EBF1: variants seen among roughly 807,000 people sequenced by gnomAD.
EBF1 encodes the protein EBF transcription factor 1.
EBF1 carries 10 observed loss-of-function variants against 68.4 expected under a neutral mutation model. The observed-to-expected ratio is 0.15, with a 90% CI of 0.09 to 0.25. EBF1 has a LOEUF of 0.25. Ranked by LOEUF, EBF1 falls within the 10% of genes least tolerant of loss-of-function variation. The pLI is 1.00. For synonymous variants in EBF1, 298 were observed against 299.8 expected, an observed-to-expected ratio of 0.99 and a Z score of 0.06; for missense variants, 509 against 794.4, an observed-to-expected ratio of 0.64 and a Z score of 4.32.
In EBF1 at chr5:158,979,759, G is replaced by T. The variant is rs1163991544; in HGVS notation, c.554+93637C>A. Among the ~76,000 whole-genome samples the T allele has an allele frequency of 2.6e-5, 4 of 151,462 alleles. No homozygotes were observed. In the East Asian group the frequency reaches 7.7e-4, roughly 29 times the overall value. On this transcript the variant is annotated intron_variant, in intron 6 of 15. Transcript: ENST00000313708. ...TAAAGCAAAAATTTCCAGAATTGTT[G>T]CTCTTGAGATAATTTGATTCAAAGT...
At chr5:158,815,981 C>T (rs1783658812) in intron 8 of EBF1, among the ~76,000 whole-genome samples, 1 of 152,188 alleles carries the variant, frequency 6.6e-6, no homozygotes, top group Non-Finnish European at 1.5e-5. Flanking sequence ...ATGTTTTGCT[C>T]TTACACCTGT....
At chr5:158,911,543 T>C (rs1449150873) in intron 6 of EBF1, among the ~76,000 whole-genome samples, 1 of 152,204 alleles carries the variant, frequency 6.6e-6, no homozygotes, top group Non-Finnish European at 1.5e-5. Context: ...ATTTTTCTTT[T>C]CCATCTCATC....
chr5:158,989,186 C>T (rs113160694), intron 6 of EBF1, among the ~76,000 whole-genome samples: 35 of 152,322 alleles, frequency 2.3e-4, no homozygotes, highest in African/African-American at 8.2e-4. Flanking sequence ...AGCAGCTGGA[C>T]AGCGACAGTC....
intron 8 of EBF1, among the ~76,000 whole-genome samples, chr5:158,809,684 T>A (rs1436646995): frequency 6.6e-6 from 1 of 152,172 alleles, no homozygotes; most frequent in Non-Finnish European, 1.5e-5. Context: ...TACAGGAACA[T>A]TGAAAATACT....
chr5:158,954,323 T>C (rs1816633922), intron 6 of EBF1, among the ~76,000 whole-genome samples: 1 of 152,216 alleles, frequency 6.6e-6, no homozygotes, highest in African/African-American at 2.4e-5. Context: ...AGCTGTGGCT[T>C]GTCAAAGACA....
chr5:159,046,898 G>T (rs546680678), intron 6 of EBF1, among the ~76,000 whole-genome samples: 2 of 152,320 alleles, frequency 1.3e-5, no homozygotes, highest in East Asian at 3.9e-4. Context: ...ACAGAGCTGG[G>T]AAAAGATTCA....
chr5:159,052,394 T>C (rs1404845960), intron 6 of EBF1, among the ~76,000 whole-genome samples: 2 of 152,020 alleles, frequency 1.3e-5, no homozygotes, highest in Admixed American at 1.3e-4. Flanking sequence ...CATGGATCTT[T>C]GTACCAGATT....
At chr5:158,865,667 A>G (rs908548987) in intron 6 of EBF1, among the ~76,000 whole-genome samples, 3 of 152,216 alleles carry the variant, frequency 2.0e-5, no homozygotes, top group Non-Finnish European at 4.4e-5. Context: ...GAGTAGGGGA[A>G]TAGCAGCCAT....
chr5:158,804,029 C>T (rs1289234782), intron 8 of EBF1, among the ~76,000 whole-genome samples: 1 of 143,950 alleles, frequency 6.9e-6, no homozygotes, highest in Non-Finnish European at 1.5e-5. Context: ...ACAGAGATCT[C>T]TCCATACTAG....
At chr5:158,711,606 T>C (rs1171313431) in intron 14 of EBF1, among the ~76,000 whole-genome samples, 1 of 152,160 alleles carries the variant, frequency 6.6e-6, no homozygotes, top group Non-Finnish European at 1.5e-5. Context: ...ACGAAACTAA[T>C]AGATGTTTTG....
chr5:158,771,921 C>T (rs182618721), intron 10 of EBF1, among the ~76,000 whole-genome samples: 115 of 152,220 alleles, frequency 7.6e-4, no homozygotes, highest in Non-Finnish European at 1.4e-3. Flanking sequence ...TATACCACAG[C>T]GGTCAGAGAA....
chr5:159,012,292 A>G (rs980981019), intron 6 of EBF1, among the ~76,000 whole-genome samples: 6 of 151,898 alleles, frequency 4.0e-5, no homozygotes, highest in Non-Finnish European at 1.5e-5. Context: ...TCTCAAAAAA[A>G]AAAAAGAAAA....
intron 15 of EBF1, among the ~76,000 whole-genome samples, chr5:158,700,532 A>ACC: frequency 6.7e-6 from 1 of 149,964 alleles, no homozygotes; most frequent in South Asian, 2.1e-4. Flanking sequence ...AAAAAAGCGA[A>ACC]CCCCAGTACC....
intron 9 of EBF1, among the ~76,000 whole-genome samples, chr5:158,795,224 A>C (rs1437724016): frequency 6.6e-6 from 1 of 152,132 alleles, no homozygotes; most frequent in Non-Finnish European, 1.5e-5. Context: ...AATAGGCTAA[A>C]CCAGTGTCAC....
intron 6 of EBF1, among the ~76,000 whole-genome samples, chr5:158,976,033 T>C (rs1361761732): frequency 6.6e-6 from 1 of 152,112 alleles, no homozygotes; most frequent in Non-Finnish European, 1.5e-5. Context: ...ATAGACTGTC[T>C]CCAAAAGCAA....
rs139296875 is a variant in EBF1, at chr5:159,038,571, T to G, written c.554+34825A>C. On this transcript the variant is annotated intron_variant, in intron 6 of 15. Coordinates refer to ENST00000313708, the MANE Select transcript of EBF1 (RefSeq NM_024007.5). Reference sequence around the variant, plus strand: ...ATGCCTCACAGCAAGCAAACACACATTAACTTAGACTGCATTTAAGAAGGC... The same window carrying G: ...ATGCCTCACAGCAAGCAAACACACAGTAACTTAGACTGCATTTAAGAAGGC... Among the ~76,000 whole-genome samples, 677 of 152,230 alleles carry G rather than the reference T, an allele frequency of 4.4e-3. 5 individuals are homozygous for G. The highest frequency in any genetic ancestry group is 0.014 in the African/African-American group (598 of 41,544).
intron 6 of EBF1, among the ~76,000 whole-genome samples, chr5:159,062,381 GAGA>G (rs1776026310): frequency 6.6e-6 from 1 of 151,764 alleles, no homozygotes. Flanking sequence ...GGTGGCCTTG[GAGA>G]AGGCTGGGGA....
At chr5:158,787,825 T>C (rs1027106413) in intron 9 of EBF1, among the ~76,000 whole-genome samples, 4 of 152,214 alleles carry the variant, frequency 2.6e-5, no homozygotes, top group African/African-American at 9.6e-5. Flanking sequence ...GTTACTTCTA[T>C]TACTACTCAA....
chr5:158,781,448 C>G (rs905071752), intron 9 of EBF1, among the ~76,000 whole-genome samples: 2 of 152,132 alleles, frequency 1.3e-5, no homozygotes, highest in Non-Finnish European at 2.9e-5. Flanking sequence ...CAAATCTACA[C>G]TTGTAGACTT....
Sources: gnomAD v4.1 joint callset for allele counts (sites outside exome capture counted in the v4.1 genomes callset) on GRCh38, gnomAD v4.1.1 for gene constraint, MANE v1.5 for transcripts, NCBI Gene and HGNC (gene_info 2026-07-23, HGNC 2026-07-21) for gene names.